Variants in HACL1 observed in about 807,000 individuals in gnomAD.
HACL1 encodes the protein 1600020H07Rik.
In HACL1, 64 loss-of-function variants were observed where a neutral mutation model predicts 74.2. The ratio of observed to expected loss-of-function variants is 0.86; its 90% CI spans 0.70 to 1.06. HACL1 has a LOEUF of 1.06. Among genes scored for constraint, HACL1 ranks in the 50% least tolerant of loss-of-function variants. The pLI, the probability that HACL1 is intolerant of heterozygous loss-of-function variation, is 0.00. For synonymous variants in HACL1, 230 were observed against 238.8 expected (o/e 0.96, Z 0.34); for missense variants, 728 against 719.7 (o/e 1.01, Z -0.13).
At chr3:15,580,244 C>T (rs901335369) in intron 8 of HACL1, among the ~76,000 whole-genome samples, 199 bp from the exon 9 acceptor site, 5 of 152,124 alleles carry the variant, frequency 3.3e-5, no homozygotes, top group African/African-American at 1.2e-4. Context: ...CTTTCCTCCT[C>T]AGCTTCCCGA....
At chr3:15,582,748 C>G (rs539796415) in intron 8 of HACL1, 129 bp downstream of exon 8, 41 of 552,542 alleles carry the variant, frequency 7.4e-5, no homozygotes, top group South Asian at 4.0e-4. Context: ...ACAAATAATG[C>G]TAAATGGATG....
At chr3:15,586,343 C>T (rs1353668864) in intron 6 of HACL1, among the ~76,000 whole-genome samples, 182 bp downstream of exon 6, 1 of 152,114 alleles carries the variant, frequency 6.6e-6, no homozygotes, top group Non-Finnish European at 1.5e-5. Context: ...TATTTTACCT[C>T]TCTATAATTA....
intron 3 of HACL1, among the ~76,000 whole-genome samples, chr3:15,592,331 CTCT>C (rs2063937825): frequency 7.1e-6 from 1 of 140,854 alleles, no homozygotes; most frequent in African/African-American, 3.1e-5. Context: ...TGTATATATA[CTCT>C]GGGCACCAGA....
chr3:15,570,872 A>G (rs577055044), intron 12 of HACL1, among the ~76,000 whole-genome samples: 356 of 152,242 alleles, frequency 2.3e-3, no homozygotes, highest in Middle Eastern at 0.017. Flanking sequence ...AATTTTTATG[A>G]AACAGCTATT....
intron 16 of HACL1, among the ~76,000 whole-genome samples, chr3:15,561,315 T>C (rs9310476): frequency 0.032 from 4,879 of 152,258 alleles, 260 homozygotes; most frequent in African/African-American, 0.11. Context: ...CAGGCACAGA[T>C]ATAGGCATTC....
chr3:15,584,067 C>G (rs2063754117), intron 7 of HACL1, among the ~76,000 whole-genome samples: 1 of 152,064 alleles, frequency 6.6e-6, no homozygotes, highest in South Asian at 2.1e-4. Context: ...AAGTCCTGTG[C>G]TATTTCATTT....
chr3:15,590,785 A>G (rs1178112673), intron 4 of HACL1, among the ~76,000 whole-genome samples: 1 of 152,210 alleles, frequency 6.6e-6, no homozygotes, highest in Non-Finnish European at 1.5e-5. Flanking sequence ...TAAAATGTTA[A>G]AAGTGTTTAT....
In HACL1 at chr3:15,593,135, A is replaced by ATGTG. The variant is rs1170024823; in HGVS notation, c.228-1456_228-1455insCACA. On this transcript the variant is annotated intron_variant, in intron 3 of 16. Coordinates refer to ENST00000321169, the MANE Select transcript of HACL1 (RefSeq NM_012260.4). ...TATATATACACACACATACGTATAT[A>ATGTG]TGTATATATACACACATACACACAT... Among the ~76,000 whole-genome samples, 195 of 125,896 alleles carry ATGTG rather than the reference A, an allele frequency of 1.5e-3. 6 individuals are homozygous for ATGTG. The highest frequency in any genetic ancestry group is 7.0e-3 in the African/African-American group (176 of 25,098). 82.6% of individuals were successfully genotyped at this position (125,896 alleles called of 152,430 possible). A position where few individuals can be genotyped will look rare whatever the true frequency, so the allele number is the denominator to read the frequency against.
intron 3 of HACL1, among the ~76,000 whole-genome samples, chr3:15,593,643 G>A (rs1164521811): frequency 3.3e-5 from 5 of 152,066 alleles, no homozygotes; most frequent in African/African-American, 1.2e-4. Flanking sequence ...ATGGTATACA[G>A]AAGCAAATTT....
chr3:15,572,029 G>GCA (rs1553642639), intron 11 of HACL1, among the ~76,000 whole-genome samples: 2 of 151,446 alleles, frequency 1.3e-5, no homozygotes, highest in Non-Finnish European at 2.9e-5. Context: ...TAGTAGAGAC[G>GCA]AAGTTTCACC....
chr3:15,585,070 A>G (rs1574932152), intron 7 of HACL1, among the ~76,000 whole-genome samples, 178 bp downstream of exon 7: 1 of 152,366 alleles, frequency 6.6e-6, no homozygotes, highest in Non-Finnish European at 1.5e-5. Context: ...ATAACTACTA[A>G]TATCATTTTA....
chr3:15,573,282 T>C (rs536363632), intron 10 of HACL1, 40 bp from the exon 11 acceptor site: 2 of 1,204,216 alleles, frequency 1.7e-6, no homozygotes, highest in South Asian at 2.4e-5. Context: ...CCATGTTTAT[T>C]CTGAAAAATA....
intron 3 of HACL1, among the ~76,000 whole-genome samples, chr3:15,595,691 C>T (rs2064048526): frequency 6.7e-6 from 1 of 149,356 alleles, no homozygotes; most frequent in Admixed American, 6.7e-5. Context: ...CTCACTGCAA[C>T]CTCCGCCTCC....
intron 14 of HACL1, 38 bp downstream of exon 14, chr3:15,567,806 T>C (rs1449022620): frequency 1.9e-6 from 3 of 1,583,566 alleles, no homozygotes; most frequent in Non-Finnish European, 2.6e-6. Context: ...TTTCATATTC[T>C]AGAGAATCAA....
At chr3:15,588,620 A>C (rs1000769663) in intron 5 of HACL1, among the ~76,000 whole-genome samples, 3 of 151,980 alleles carry the variant, frequency 2.0e-5, no homozygotes, top group East Asian at 1.9e-4. Flanking sequence ...GAAAGAAAGA[A>C]AGACAGAGAT....
At chr3:15,595,368 G>A (rs1334725605) in intron 3 of HACL1, among the ~76,000 whole-genome samples, 1 of 152,022 alleles carries the variant, frequency 6.6e-6, no homozygotes, top group African/African-American at 2.4e-5. Context: ...CTATTCTGGT[G>A]AGGTCTAGAC....
intron 3 of HACL1, among the ~76,000 whole-genome samples, chr3:15,592,000 T>C (rs938089824): frequency 1.3e-5 from 2 of 148,298 alleles, no homozygotes; most frequent in African/African-American, 2.5e-5. Flanking sequence ...CTATAGTATA[T>C]ACTATATACG....
chr3:15,595,332 A>C (rs1262558435), intron 3 of HACL1, among the ~76,000 whole-genome samples: 2 of 152,220 alleles, frequency 1.3e-5, no homozygotes, highest in Non-Finnish European at 2.9e-5. Flanking sequence ...GTTCAAATTC[A>C]CAAGTTCCTT....
chr3:15,571,704 C>CA lies in HACL1; in HGVS notation c.1058dup (p.Arg354GlufsTer8). On this transcript the variant is annotated frameshift_variant, in exon 12 of 17. Coordinates refer to ENST00000321169, the MANE Select transcript of HACL1 (RefSeq NM_012260.4). LOFTEE classifies it high-confidence loss of function. ...CTTCATTGCTCTTCATTTTTTCTCT[C>CA]AGAGTTTTCCACCACTTGCTCTCTG... 6.5e-7 allele frequency: 1 copy of CA among 1,548,584 alleles called. No individual in the cohort carries two copies. Among genetic ancestry groups the CA allele is most frequent in the South Asian group, 1.1e-5 (1 of 89,724 alleles).
Sources: gnomAD v4.1 joint callset for allele counts (sites outside exome capture counted in the v4.1 genomes callset) on GRCh38, gnomAD v4.1.1 for gene constraint, MANE v1.5 for transcripts, NCBI Gene and HGNC (gene_info 2026-07-23, HGNC 2026-07-21) for gene names.